The following ASAP1 variants were observed in gnomAD, a reference collection of about 807,000 sequenced individuals.
ASAP1 encodes the protein ArfGAP with SH3 domain, ankyrin repeat and PH domain 1, also known as arf-GAP with SH3 domain, ANK repeat and PH domain-containing protein 1.
ASAP1 carries 43 observed loss-of-function variants against 145.2 expected under a neutral mutation model. The ratio of observed to expected loss-of-function variants is 0.30; its 90% CI spans 0.23 to 0.38. ASAP1 has a LOEUF of 0.38. ASAP1 is among the 10% of genes least tolerant of loss of function. The probability of loss-of-function intolerance (pLI) is 1.00; values close to 1 mark genes in which losing one functional copy is unlikely to be tolerated. For missense variants in ASAP1, 1,018 were observed against 1,355.3 expected (o/e 0.75, Z 3.91); for synonymous variants, 546 against 515.5 (o/e 1.06, Z -0.80).
At chr8:130,284,341 T>C (rs1305994852) in intron 3 of ASAP1, among the ~76,000 whole-genome samples, 1 of 152,064 alleles carries the variant, frequency 6.6e-6, no homozygotes. Context: ...ATAAATTGTA[T>C]ATATAAATGG....
rs58327713 is a variant in ASAP1 at position 130,077,537 on chromosome 8, C to CTT, written c.2643-1133_2643-1132dup. Among the ~76,000 whole-genome samples, 248 of 62,068 alleles carry CTT rather than the reference C, an allele frequency of 4.0e-3. 37 individuals are homozygous for CTT. The highest frequency in any genetic ancestry group is 0.01 in the East Asian group (16 of 1,558). The allele number at this position is 62,068 out of a possible 152,430, so 40.7% of individuals were successfully genotyped here. On this transcript the variant is annotated intron_variant, in intron 26 of 29. Transcript: ENST00000518721. ...TAAGAGTTGGTTGCTGCTGCTGCTG[C>CTT]TTTTTTTTTTTTTTTTTTTTTTTTT... is the stretch of plus-strand genomic sequence containing the variant.
At chr8:130,110,923 C>T (rs1371158558) in intron 24 of ASAP1, among the ~76,000 whole-genome samples, 2 of 152,098 alleles carry the variant, frequency 1.3e-5, no homozygotes, top group Non-Finnish European at 2.9e-5. Flanking sequence ...CAGGGAGAAC[C>T]CTGCATTTGG....
chr8:130,080,541 T>C (rs1324327735), intron 25 of ASAP1, among the ~76,000 whole-genome samples: 1 of 150,068 alleles, frequency 6.7e-6, no homozygotes, highest in African/African-American at 2.4e-5. Context: ...AGTGGTGCAA[T>C]CATGGCTCAC....
intron 7 of ASAP1, among the ~76,000 whole-genome samples, chr8:130,182,588 G>A (rs1392620006): frequency 6.6e-6 from 1 of 152,112 alleles, no homozygotes; most frequent in African/African-American, 2.4e-5. Context: ...CTTGGAGAAA[G>A]CAGATCTCTA....
chr8:130,162,734 C>T (rs1381095408), intron 11 of ASAP1, among the ~76,000 whole-genome samples: 3 of 151,262 alleles, frequency 2.0e-5, no homozygotes, highest in South Asian at 4.2e-4. Context: ...AGAAGAATGG[C>T]GTGAACCCAG....
chr8:130,169,012 GT>G lies in ASAP1; in HGVS notation c.801del (p.Lys267AsnfsTer9). 1 of 1,574,988 alleles carries G rather than the reference GT, an allele frequency of 6.3e-7. No homozygotes were observed. Among genetic ancestry groups the G allele is most frequent in the South Asian group, 1.2e-5 (1 of 83,276 alleles). The part of the protein sequence containing the change: ...TADKLKQYIE[K>X]LAADLYNIKQ... Reference sequence around the variant, plus strand: ...CTTACATTATATAAATCAGCAGCCAGTTTTTCAATGTACTGTTTCAACTTAT... The same window carrying G: ...CTTACATTATATAAATCAGCAGCCAGTTTTCAATGTACTGTTTCAACTTAT... On this transcript the variant is annotated frameshift_variant, in exon 10 of 30. Transcript: ENST00000518721. LOFTEE classifies it high-confidence loss of function.
chr8:130,319,837 T>C (rs374086443), intron 3 of ASAP1, among the ~76,000 whole-genome samples: 3 of 152,320 alleles, frequency 2.0e-5, no homozygotes, highest in African/African-American at 7.2e-5. Flanking sequence ...GCAAAAGTTT[T>C]TAATGACATG....
At chr8:130,142,081 T>A (rs953681663) in intron 13 of ASAP1, among the ~76,000 whole-genome samples, 4 of 152,164 alleles carry the variant, frequency 2.6e-5, no homozygotes, top group Non-Finnish European at 1.5e-5. Flanking sequence ...TACTATCTCA[T>A]GTACTACCTG....
intron 12 of ASAP1, among the ~76,000 whole-genome samples, chr8:130,156,509 T>TAA (rs1410636263): frequency 3.9e-5 from 6 of 152,166 alleles, no homozygotes; most frequent in Non-Finnish European, 8.8e-5. Flanking sequence ...CCTCATACAC[T>TAA]AGAGTATTTC....
At chr8:130,217,320 T>G (rs1009649056) in intron 4 of ASAP1, among the ~76,000 whole-genome samples, 1 of 152,158 alleles carries the variant, frequency 6.6e-6, no homozygotes, top group Admixed American at 6.5e-5. Context: ...TGGTTTTTTT[T>G]GGTCATATTT....
chr8:130,218,974 C>T (rs969590555), intron 4 of ASAP1, among the ~76,000 whole-genome samples: 3 of 151,664 alleles, frequency 2.0e-5, no homozygotes, highest in Non-Finnish European at 2.9e-5. Flanking sequence ...AAAAATATAA[C>T]AGTTTAGTAA....
At chr8:130,377,778 G>A (rs1421302105) in intron 2 of ASAP1, among the ~76,000 whole-genome samples, 1 of 152,200 alleles carries the variant, frequency 6.6e-6, no homozygotes, top group East Asian at 1.9e-4. Context: ...TCCCGGCTGT[G>A]TCTCAGGGTG....
intron 1 of ASAP1, among the ~76,000 whole-genome samples, chr8:130,420,233 A>T (rs1449704778): frequency 9.9e-6 from 1 of 101,120 alleles, no homozygotes; most frequent in African/African-American, 3.8e-5. Flanking sequence ...GCCATAATGA[A>T]ATACACACAC....
intron 3 of ASAP1, among the ~76,000 whole-genome samples, chr8:130,263,703 G>A (rs997140982): frequency 5.9e-5 from 9 of 152,188 alleles, no homozygotes; most frequent in Non-Finnish European, 7.3e-5. Context: ...AGCAAGATCA[G>A]GGAATCAAGC....
At chr8:130,179,804 G>A (rs1814219064) in intron 8 of ASAP1, among the ~76,000 whole-genome samples, 1 of 152,070 alleles carries the variant, frequency 6.6e-6, no homozygotes, top group African/African-American at 2.4e-5. Flanking sequence ...ATAAAAGTAA[G>A]AATAACCCAC....
chr8:130,175,953 C>T (rs550893384), intron 9 of ASAP1, among the ~76,000 whole-genome samples: 9 of 152,166 alleles, frequency 5.9e-5, no homozygotes, highest in Non-Finnish European at 1.3e-4. Context: ...ATGCTGTTAA[C>T]TCTGCAGGTC....
chr8:130,330,153 T>C (rs902457207), intron 3 of ASAP1, among the ~76,000 whole-genome samples: 3 of 152,216 alleles, frequency 2.0e-5, no homozygotes, highest in Non-Finnish European at 4.4e-5. Context: ...ACACATGTAC[T>C]GTACACAAAC....
chr8:130,085,532 CGAGA>C (rs2097490735), intron 25 of ASAP1, among the ~76,000 whole-genome samples: 1 of 151,890 alleles, frequency 6.6e-6, no homozygotes, highest in South Asian at 2.1e-4. Flanking sequence ...CCCAGGAGTT[CGAGA>C]CCAGCCTGGG....
chr8:130,107,180 C>CTTTTTTTTTTT (rs375105720), intron 24 of ASAP1, among the ~76,000 whole-genome samples: 4 of 113,858 alleles, frequency 3.5e-5, no homozygotes, highest in African/African-American at 6.7e-5. Flanking sequence ...CTCTCTTCTT[C>CTTTTTTTTTTT]TTCTTTTTTT....
Sources: gnomAD v4.1 joint callset for allele counts (sites outside exome capture counted in the v4.1 genomes callset) on GRCh38, gnomAD v4.1.1 for gene constraint, MANE v1.5 for transcripts, NCBI Gene and HGNC (gene_info 2026-07-23, HGNC 2026-07-21) for gene names.